TRAPPC9: variants seen among roughly 807,000 people sequenced by gnomAD.
The protein encoded by TRAPPC9 is IKK2 binding protein.
Under a neutral mutation model 124.0 loss-of-function variants are expected in TRAPPC9, and 83 were observed. That is an observed-to-expected ratio of 0.67 (90% CI 0.56 to 0.80). TRAPPC9 has a LOEUF of 0.80. TRAPPC9 is among the 30% of genes least tolerant of loss of function. TRAPPC9 has a pLI of 0.00. For synonymous variants in TRAPPC9, 638 were observed against 617.5 expected (o/e 1.03, Z -0.49); for missense variants, 1,302 against 1,508.3 (o/e 0.86, Z 2.27).
intron 19 of TRAPPC9, among the ~76,000 whole-genome samples, chr8:139,918,693 C>A (rs953052411): frequency 1.3e-5 from 2 of 152,260 alleles, no homozygotes; most frequent in South Asian, 2.1e-4. Context: ...AGCACAGCCC[C>A]TTCGCTTGCA....
At chr8:140,421,938 T>C (rs2070225723) in intron 5 of TRAPPC9, among the ~76,000 whole-genome samples, 1 of 114,226 alleles carries the variant, frequency 8.8e-6, no homozygotes, top group Non-Finnish European at 1.6e-5. Flanking sequence ...AAAATAAACC[T>C]ACGCCGAACT....
chr8:140,346,481 G>T (rs2067353736), intron 9 of TRAPPC9, among the ~76,000 whole-genome samples: 1 of 152,136 alleles, frequency 6.6e-6, no homozygotes, highest in Non-Finnish European at 1.5e-5. Flanking sequence ...AGTCCTGAGG[G>T]TCTACTAAAA....
At chr8:140,376,023 T>C (rs962780810) in intron 7 of TRAPPC9, among the ~76,000 whole-genome samples, 1 of 152,198 alleles carries the variant, frequency 6.6e-6, no homozygotes. Context: ...TTTCCATATA[T>C]GTCTATCAAA....
Position 139,984,502 on chromosome 8 carries a change from G to A in TRAPPC9, c.2810+4224C>T, listed in dbSNP as rs938384002. Among the ~76,000 whole-genome samples, 2 of 152,174 alleles carry A rather than the reference G, an allele frequency of 1.3e-5. No individual in the cohort carries two copies. Among genetic ancestry groups the A allele is most frequent in the African/African-American group, 2.4e-5 (1 of 41,444 alleles). On this transcript the variant is annotated intron_variant, in intron 19 of 22. Coordinates refer to ENST00000438773, the MANE Select transcript of TRAPPC9 (RefSeq NM_001160372.4). The surrounding 1 kb of genome is among the most constrained non-coding windows in gnomAD (Gnocchi z 4.3). ...GGTGCCTCCTCGTAGGGGAACGGGAGAGCCAGGAGAGAGGTTCGGCTCAGG... is the reference window on the plus strand; with the variant it reads ...GGTGCCTCCTCGTAGGGGAACGGGAAAGCCAGGAGAGAGGTTCGGCTCAGG...
At chr8:140,211,850 A>G (rs1404767101) in intron 17 of TRAPPC9, among the ~76,000 whole-genome samples, 2 of 152,248 alleles carry the variant, frequency 1.3e-5, no homozygotes, top group African/African-American at 4.8e-5. Context: ...TCACAAGCCC[A>G]TGGCCACGAG....
intron 19 of TRAPPC9, among the ~76,000 whole-genome samples, 197 bp from the exon 20 acceptor site, chr8:139,910,497 T>G (rs1411849915): frequency 6.6e-6 from 1 of 152,310 alleles, no homozygotes; most frequent in African/African-American, 2.4e-5. Flanking sequence ...CAACACACAA[T>G]TTGGAGCTGA....
chr8:139,859,621 C>T (rs1366291407), intron 21 of TRAPPC9, among the ~76,000 whole-genome samples: 2 of 152,240 alleles, frequency 1.3e-5, no homozygotes, highest in Non-Finnish European at 2.9e-5. Context: ...CAGAATGGGT[C>T]CTGATGTCAG....
Position 139,877,922 on chromosome 8 carries a change from G to A in TRAPPC9, c.3055+7957C>T, listed in dbSNP as rs376640695. On this transcript the variant is annotated intron_variant, in intron 21 of 22. Coordinates refer to ENST00000438773, the MANE Select transcript of TRAPPC9 (RefSeq NM_001160372.4). ...GTGCCGAGACCCCAGTTGGCTCAGCGCTGACTCCTTGCCAGTCCGAGCCAC... is the reference window on the plus strand; with the variant it reads ...GTGCCGAGACCCCAGTTGGCTCAGCACTGACTCCTTGCCAGTCCGAGCCAC... 7.6e-4 allele frequency among the ~76,000 whole-genome samples: 115 copies of A among 152,288 alleles called. 1 individual carries two copies. Among genetic ancestry groups the A allele is most frequent in the African/African-American group, 2.6e-3 (109 of 41,572 alleles).
chr8:140,217,969 A>T (rs2063237063), intron 17 of TRAPPC9, among the ~76,000 whole-genome samples: 1 of 152,024 alleles, frequency 6.6e-6, no homozygotes, highest in Non-Finnish European at 1.5e-5. Flanking sequence ...GTGAGCCGAG[A>T]TCGCGCCACT....
At chr8:140,075,714 G>A (rs1843468619) in intron 17 of TRAPPC9, among the ~76,000 whole-genome samples, 1 of 152,204 alleles carries the variant, frequency 6.6e-6, no homozygotes, top group Non-Finnish European at 1.5e-5. Flanking sequence ...GAGAAAAGAA[G>A]AGGCTGCCAA....
In TRAPPC9 at chr8:140,439,174, C is replaced by T; in HGVS notation, c.608G>A (p.Gly203Asp). The T allele has an allele frequency of 3.7e-6, 6 of 1,614,120 alleles. No homozygotes were observed. The highest frequency in any genetic ancestry group is 5.1e-6 in the Non-Finnish European group (6 of 1,180,020). Reference protein sequence around the residue: ...DSRHYKKRCQGRMRKHVGDLC... With the variant: ...DSRHYKKRCQDRMRKHVGDLC... ...GTCCCCCACGTGCTTCCGCATGCGG[C>T]CTTGGCACCGCTTCTTGTAATGTCT... The change falls in exon 3 of 23, where the codon GGC (glycine) becomes GAC (aspartate). Residue 203 changes from glycine (G) to aspartate (D), a missense_variant. Around this residue, in one of 3 missense-constraint regions of TRAPPC9, gnomAD observed 657 missense variants for 811.2 expected, o/e 0.81. Coordinates refer to ENST00000438773, the MANE Select transcript of TRAPPC9 (RefSeq NM_001160372.4).
At chr8:140,137,544 G>A (rs866040734) in intron 17 of TRAPPC9, among the ~76,000 whole-genome samples, 43 of 152,284 alleles carry the variant, frequency 2.8e-4, no homozygotes, top group African/African-American at 8.7e-4. Context: ...CTCACCCCAC[G>A]CTGCCCACTC....
intron 21 of TRAPPC9, among the ~76,000 whole-genome samples, chr8:139,821,774 C>T (rs1476063958): frequency 2.6e-5 from 4 of 152,342 alleles, no homozygotes; most frequent in Admixed American, 1.3e-4. Context: ...CCACTGCGCA[C>T]GGGACCCGTG....
intron 18 of TRAPPC9, among the ~76,000 whole-genome samples, chr8:140,001,613 T>C (rs912110103): frequency 2.0e-5 from 3 of 152,132 alleles, no homozygotes; most frequent in African/African-American, 7.2e-5. Flanking sequence ...GTATCATAAA[T>C]AAATGAGGGA....
intron 18 of TRAPPC9, among the ~76,000 whole-genome samples, chr8:140,002,365 G>A (rs1230615121): frequency 6.6e-6 from 1 of 152,010 alleles, no homozygotes; most frequent in African/African-American, 2.4e-5. Context: ...CAGATTGGAA[G>A]GTGCAATATA....
At chr8:139,915,672 G>A (rs1016771165) in intron 19 of TRAPPC9, among the ~76,000 whole-genome samples, 5 of 152,242 alleles carry the variant, frequency 3.3e-5, no homozygotes, top group Admixed American at 3.3e-4. Context: ...CAGAACAGGA[G>A]GGCTTCTGCG....
rs77748278 is a variant in TRAPPC9 at position 139,739,063 on chromosome 8, G to C, written c.3056-6861C>G. Among the ~76,000 whole-genome samples, 1,047 of 152,286 alleles carry C rather than the reference G, an allele frequency of 6.9e-3. 11 individuals carry two copies. Among genetic ancestry groups the C allele is most frequent in the African/African-American group, 0.024 (986 of 41,560 alleles). ...ATTCATTTATCTAACAAGCACTGGA[G>C]AGGCCCTGAGCCTCAGGCCCGTGCT... is the stretch of plus-strand genomic sequence containing the variant. On this transcript the variant is annotated intron_variant, in intron 21 of 22. Transcript: ENST00000438773.
Position 140,104,550 on chromosome 8 carries a change from G to A in TRAPPC9, c.2557-80471C>T, listed in dbSNP as rs943371377. On this transcript the variant is annotated intron_variant, in intron 17 of 22. Transcript: ENST00000438773. The surrounding 1 kb of genome is among the most constrained non-coding windows in gnomAD (Gnocchi z 4.0). ...CTGTGAACTAGCTAGGGAAACAGAT[G>A]AAAGAGGCCAAGTTTCTCCCGATAT... is the stretch of plus-strand genomic sequence containing the variant. Among the ~76,000 whole-genome samples the A allele has an allele frequency of 1.3e-5, 2 of 152,152 alleles. No homozygotes were observed. The highest frequency in any genetic ancestry group is 4.8e-5 in the African/African-American group (2 of 41,444).
intron 18 of TRAPPC9, among the ~76,000 whole-genome samples, chr8:140,020,605 A>T (rs112584325): frequency 1.1e-4 from 17 of 152,264 alleles, no homozygotes; most frequent in African/African-American, 3.9e-4. Flanking sequence ...CCACCTGGAC[A>T]ATGGAGTGAG....
Sources: gnomAD v4.1 joint callset for allele counts (sites outside exome capture counted in the v4.1 genomes callset) on GRCh38, gnomAD v4.1.1 for gene constraint, gnomAD v4.1.1 regional missense constraint, Gnocchi (gnomAD v3.1) non-coding constraint, MANE v1.5 for transcripts, NCBI Gene and HGNC (gene_info 2026-07-23, HGNC 2026-07-21) for gene names.